SOX6: variants seen among roughly 807,000 people sequenced by gnomAD.
SOX6 encodes SRY-box transcription factor 6.
In SOX6, 11 loss-of-function variants were observed where a neutral mutation model predicts 97.8. The observed-to-expected ratio is 0.11, with a 90% CI of 0.07 to 0.19. The LOEUF is 0.19. SOX6 is among the 10% of genes least tolerant of loss of function. The probability of loss-of-function intolerance (pLI) is 1.00; values close to 1 mark genes in which losing one functional copy is unlikely to be tolerated. For missense variants in SOX6, 810 were observed against 1,039.5 expected (o/e 0.78, Z 3.04); for synonymous variants, 360 against 371.4 (o/e 0.97, Z 0.35).
At chr11:16,601,152 C>A (rs1375352127) in intron 4 of SOX6, among the ~76,000 whole-genome samples, 1 of 152,114 alleles carries the variant, frequency 6.6e-6, no homozygotes, top group East Asian at 1.9e-4. Context: ...TAGCAGGTTT[C>A]TATAATAAAA....
At chr11:16,625,026 C>A (rs1848603652) in intron 3 of SOX6, among the ~76,000 whole-genome samples, 1 of 152,082 alleles carries the variant, frequency 6.6e-6, no homozygotes. Context: ...GAATACAAGA[C>A]CTTTGCCAGA....
rs1290049726 is a variant in SOX6, at chr11:16,076,157, C to T, written c.1101+19839G>A. On this transcript the variant is annotated intron_variant, in intron 9 of 15. Coordinates refer to ENST00000683767, the MANE Select transcript of SOX6 (RefSeq NM_001367873.1). Reference sequence around the variant, plus strand: ...GTTTAAAACCTAAAACTATAAAAATCCTGGAAGATAACCTAGGAAATACCA... The same window carrying T: ...GTTTAAAACCTAAAACTATAAAAATTCTGGAAGATAACCTAGGAAATACCA... Among the ~76,000 whole-genome samples the T allele has an allele frequency of 2.6e-5, 4 of 152,048 alleles. No individual in the cohort carries two copies. The East Asian group carries it at 7.7e-4, about 29-fold the overall frequency.
chr11:16,476,476 A>C (rs928605631), upstream of SOX6: 1 of 152,208 alleles, frequency 6.6e-6, no homozygotes, highest in Admixed American at 6.5e-5. Context: ...CTGGCTACAA[A>C]TCATACAATT....
At position 16,099,700 on chromosome 11, in the gene SOX6, G is replaced by A. The variant is rs564655933; in HGVS notation, c.899-2012C>T. On this transcript the variant is annotated intron_variant, in intron 7 of 15. Transcript: ENST00000683767. The stretch of plus-strand genomic sequence containing the variant: ...CATAGCTGTCATGCTTCTGTGCTAT[G>A]AAATAGCTTTTTTTTTTTTTTTTAC... Among the ~76,000 whole-genome samples the A allele has an allele frequency of 4.7e-5, 7 of 148,418 alleles. No homozygotes were observed. In the South Asian group the frequency reaches 1.5e-3, roughly 32 times the overall value.
chr11:16,668,390 A>G (rs1328971469), intron 3 of SOX6, among the ~76,000 whole-genome samples: 1 of 152,140 alleles, frequency 6.6e-6, no homozygotes, highest in Non-Finnish European at 1.5e-5. Flanking sequence ...CAATCAATCA[A>G]TAAATAAACA....
At chr11:16,695,268 G>A (rs1278144814) in intron 3 of SOX6, among the ~76,000 whole-genome samples, 1 of 152,168 alleles carries the variant, frequency 6.6e-6, no homozygotes, top group African/African-American at 2.4e-5. Flanking sequence ...GGTGAATTCT[G>A]CATTTTATAC....
intron 3 of SOX6, among the ~76,000 whole-genome samples, chr11:16,684,508 C>A (rs1847953483): frequency 1.3e-5 from 2 of 150,736 alleles, no homozygotes; most frequent in Non-Finnish European, 2.9e-5. Context: ...CATGTTCTCA[C>A]TCATAGGTGG....
intron 3 of SOX6, among the ~76,000 whole-genome samples, chr11:16,666,052 CT>C (rs1847804947): frequency 1.3e-5 from 2 of 152,156 alleles, no homozygotes; most frequent in Admixed American, 6.6e-5. Flanking sequence ...ACCCAAGTCC[CT>C]TCAAATACCT....
At chr11:16,672,169 G>T (rs1341599708) in intron 3 of SOX6, among the ~76,000 whole-genome samples, 1 of 152,134 alleles carries the variant, frequency 6.6e-6, no homozygotes, top group African/African-American at 2.4e-5. Context: ...AGAAAGGAAA[G>T]AATGTTACCA....
chr11:16,214,207 G>C (rs1435315135), intron 4 of SOX6, among the ~76,000 whole-genome samples: 5 of 152,144 alleles, frequency 3.3e-5, no homozygotes, highest in Non-Finnish European at 4.4e-5. Flanking sequence ...GGGCAACACA[G>C]GTTTAGAATA....
rs569993477 is a variant in SOX6, at chr11:16,300,378, A to G, written c.445+18068T>C. ...CCTAAAATGCATACCTAGCATTTTT[A>G]TTATGTATTATAACATTTTGCTCAG... On this transcript the variant is annotated intron_variant, in intron 3 of 15. Transcript: ENST00000683767. The surrounding 1 kb of genome is among the most constrained non-coding windows in gnomAD (Gnocchi z 4.1). Among the ~76,000 whole-genome samples, 1 of 152,326 alleles carries G rather than the reference A, an allele frequency of 6.6e-6. No homozygotes were observed. The highest frequency in any genetic ancestry group is 2.1e-4 in the South Asian group (1 of 4,832).
At chr11:16,623,936 C>G (rs549850272) in intron 3 of SOX6, among the ~76,000 whole-genome samples, 2 of 152,090 alleles carry the variant, frequency 1.3e-5, no homozygotes, top group Non-Finnish European at 2.9e-5. Context: ...ATCAAGATAT[C>G]GAAGATTTCC....
At chr11:16,579,198 G>T (rs1848008931) in intron 4 of SOX6, among the ~76,000 whole-genome samples, 1 of 151,856 alleles carries the variant, frequency 6.6e-6, no homozygotes, top group Admixed American at 6.6e-5. Context: ...CAATAAAAAT[G>T]TATACATAGC....
chr11:16,174,034 CTTTT>C (rs76988026), intron 6 of SOX6, among the ~76,000 whole-genome samples: 1 of 132,012 alleles, frequency 7.6e-6, no homozygotes, highest in African/African-American at 2.7e-5. Context: ...TCCTTTGTTT[CTTTT>C]TTTTTTTTTT....
chr11:16,483,379 A>C (rs1248268075), intron 4 of SOX6, among the ~76,000 whole-genome samples: 1 of 151,946 alleles, frequency 6.6e-6, no homozygotes, highest in East Asian at 1.9e-4. Context: ...AGCACTTTTT[A>C]TTTGAGGCAA....
At chr11:16,142,161 A>G (rs888136419) in intron 6 of SOX6, among the ~76,000 whole-genome samples, 1 of 152,114 alleles carries the variant, frequency 6.6e-6, no homozygotes, top group Non-Finnish European at 1.5e-5. Flanking sequence ...AAGCTTCCAG[A>G]GGAACGATCA....
chr11:16,338,117 T>C (rs1856518398), intron 2 of SOX6, among the ~76,000 whole-genome samples: 1 of 152,156 alleles, frequency 6.6e-6, no homozygotes, highest in East Asian at 1.9e-4. Flanking sequence ...AGAAAGTAAA[T>C]AACAATGGAA....
At chr11:16,703,689 T>G (rs1353604133) in intron 3 of SOX6, among the ~76,000 whole-genome samples, 3 of 152,160 alleles carry the variant, frequency 2.0e-5, no homozygotes, top group African/African-American at 7.2e-5. Flanking sequence ...GTGTTTGTTA[T>G]TTCATCTTTT....
At chr11:16,264,388 C>T (rs1854005363) in intron 3 of SOX6, 2 of 151,958 alleles carry the variant, frequency 1.3e-5, no homozygotes, top group Admixed American at 6.6e-5. Context: ...TTGGAAATCA[C>T]TTCATACCAA....
Sources: allele counts gnomAD v4.1 joint callset (sites outside exome capture counted in the v4.1 genomes callset), GRCh38; gene constraint gnomAD v4.1.1; non-coding constraint Gnocchi (gnomAD v3.1); transcripts MANE v1.5; gene names NCBI Gene and HGNC (gene_info 2026-07-23, HGNC 2026-07-21).